BACH2: variants seen among roughly 807,000 people sequenced by gnomAD.
BACH2 encodes BACH transcriptional regulator 2.
In BACH2, 5 loss-of-function variants were observed where a neutral mutation model predicts 61.8. That is an observed-to-expected ratio of 0.08 (90% CI 0.04 to 0.17). The LOEUF is 0.17. Ranked by LOEUF, BACH2 falls within the 10% of genes least tolerant of loss-of-function variation. The pLI is 1.00. For synonymous variants in BACH2, 446 were observed against 440.1 expected (o/e 1.01, Z -0.17); for missense variants, 824 against 1,091.1 (o/e 0.76, Z 3.45).
chr6:90,150,774 C>T (rs1478397030), intron 4 of BACH2, among the ~76,000 whole-genome samples: 1 of 152,168 alleles, frequency 6.6e-6, no homozygotes, highest in Admixed American at 6.5e-5. Flanking sequence ...CTTAGCACCC[C>T]CACCATGCAT....
At chr6:90,104,760 C>A (rs1782825096) in intron 4 of BACH2, among the ~76,000 whole-genome samples, 1 of 152,160 alleles carries the variant, frequency 6.6e-6, no homozygotes, top group African/African-American at 2.4e-5. Flanking sequence ...ATGCATGTAT[C>A]TTGGACATGT....
At position 89,950,413 on chromosome 6, in the gene BACH2, C is replaced by T; in HGVS notation, c.1693G>A (p.Gly565Ser). 6.2e-7 allele frequency: 1 copy of T among 1,614,166 alleles called. No individual in the cohort carries two copies. Among genetic ancestry groups the T allele is most frequent in the African/African-American group, 1.3e-5 (1 of 75,030 alleles). ...RFLATEHQEP[G>S]LMGDGMYNQV... ...TTGTACATTCCATCTCCCATCAGGC[C>T]TGGTTCCTGATGTTCTGTGGCAAGG... is the stretch of plus-strand genomic sequence containing the variant. Residue 565 changes from glycine (G) to serine (S), a missense_variant, in exon 7 of 9, where the codon GGC becomes AGC. Transcript: ENST00000257749. This position sits in a 1 kb window ranked among gnomAD's most constrained non-coding sequence, Gnocchi z 5.3.
At chr6:90,060,270 C>T (rs968540108) in intron 5 of BACH2, among the ~76,000 whole-genome samples, 4 of 152,068 alleles carry the variant, frequency 2.6e-5, no homozygotes, top group South Asian at 2.1e-4. Flanking sequence ...TTGCCTTTCA[C>T]GCTCTAAATA....
At chr6:90,028,613 T>G (rs946734484) in intron 5 of BACH2, among the ~76,000 whole-genome samples, 1 of 152,184 alleles carries the variant, frequency 6.6e-6, no homozygotes, top group African/African-American at 2.4e-5. Context: ...TCTGTAAAGA[T>G]TTCTCATCTG....
intron 4 of BACH2, among the ~76,000 whole-genome samples, chr6:90,195,554 G>A (rs1266620759): frequency 3.3e-5 from 5 of 152,178 alleles, no homozygotes; most frequent in Non-Finnish European, 5.9e-5. Flanking sequence ...GACAGAATTC[G>A]TGATTCAGCG....
At chr6:90,051,555 T>C (rs1384718417) in intron 5 of BACH2, among the ~76,000 whole-genome samples, 8 of 152,148 alleles carry the variant, frequency 5.3e-5, no homozygotes, top group Non-Finnish European at 1.2e-4. Flanking sequence ...CTATATGCCT[T>C]TTTACAAAAA....
chr6:90,267,421 G>A (rs1771373261), intron 2 of BACH2, among the ~76,000 whole-genome samples: 1 of 152,124 alleles, frequency 6.6e-6, no homozygotes. Context: ...CCTAACACCT[G>A]GCAGGGGTGA....
Position 89,952,321 on chromosome 6 carries a change from C to T in BACH2, c.244-459G>A, listed in dbSNP as rs77615022. ...GTCAACCACAAAAATGGCAATGTGA[C>T]CCTGCAAAAAACTAACTCCAGGGAG... is the stretch of plus-strand genomic sequence containing the variant. On this transcript the variant is annotated intron_variant, in intron 6 of 8. Transcript: ENST00000257749. Among the ~76,000 whole-genome samples the T allele has an allele frequency of 6.4e-3, 978 of 152,190 alleles. 30 individuals are homozygous for T. In the East Asian group the frequency reaches 0.11, roughly 17 times the overall value.
intron 4 of BACH2, among the ~76,000 whole-genome samples, chr6:90,190,885 G>A (rs1165718687): frequency 6.6e-6 from 1 of 152,220 alleles, no homozygotes; most frequent in African/African-American, 2.4e-5. Context: ...CCAAACAGGG[G>A]ATGTGGCTTG....
intron 4 of BACH2, among the ~76,000 whole-genome samples, chr6:90,093,697 C>T (rs1272106046): frequency 6.6e-6 from 1 of 152,146 alleles, no homozygotes; most frequent in Non-Finnish European, 1.5e-5. Flanking sequence ...CCAATATAGT[C>T]CTTCAATAGG....
intron 3 of BACH2, among the ~76,000 whole-genome samples, chr6:90,224,229 G>A (rs1398562949): frequency 1.3e-5 from 2 of 152,140 alleles, no homozygotes; most frequent in Non-Finnish European, 2.9e-5. Context: ...AACTATTTAA[G>A]GTAAAAGAGT....
At chr6:90,058,520 A>G (rs1344181097) in intron 5 of BACH2, among the ~76,000 whole-genome samples, 1 of 152,212 alleles carries the variant, frequency 6.6e-6, no homozygotes, top group Non-Finnish European at 1.5e-5. Flanking sequence ...GGTAGGAAGA[A>G]TCAATATTGT....
chr6:90,012,909 C>A (rs1339843491), intron 5 of BACH2, among the ~76,000 whole-genome samples: 2 of 152,116 alleles, frequency 1.3e-5, no homozygotes, highest in Non-Finnish European at 2.9e-5. Flanking sequence ...TCTCCTCGGC[C>A]TCCCAAAGTG....
At chr6:90,022,050 C>T (rs1778402683) in intron 5 of BACH2, among the ~76,000 whole-genome samples, 1 of 152,144 alleles carries the variant, frequency 6.6e-6, no homozygotes, top group Non-Finnish European at 1.5e-5. Context: ...TTTTCCTTGA[C>T]CTTCTAGGGG....
chr6:90,146,905 A>C (rs886503345), intron 4 of BACH2, among the ~76,000 whole-genome samples: 1 of 152,234 alleles, frequency 6.6e-6, no homozygotes, highest in African/African-American at 2.4e-5. Context: ...AGAGCCAATG[A>C]CAGTGAAGAA....
chr6:90,253,819 TA>T (rs562616230), intron 2 of BACH2, among the ~76,000 whole-genome samples: 152 of 152,322 alleles, frequency 1.0e-3, no homozygotes, highest in African/African-American at 3.5e-3. Context: ...ACAGAGGCCT[TA>T]GTCATAATAA....
chr6:90,011,946 G>A (rs1372233439), intron 5 of BACH2, among the ~76,000 whole-genome samples: 3 of 145,114 alleles, frequency 2.1e-5, no homozygotes, highest in Admixed American at 6.8e-5. Context: ...GTGTGTGTGT[G>A]TGTGTGTGTG....
chr6:90,256,298 C>T (rs1485555775), intron 2 of BACH2, among the ~76,000 whole-genome samples: 2 of 152,164 alleles, frequency 1.3e-5, no homozygotes, highest in African/African-American at 2.4e-5. Flanking sequence ...AGTTCTACCA[C>T]GAAATATAAG....
intron 5 of BACH2, among the ~76,000 whole-genome samples, chr6:90,079,910 C>T (rs929505172): frequency 2.0e-5 from 3 of 151,494 alleles, no homozygotes; most frequent in African/African-American, 7.3e-5. Context: ...AGTGTTTGTA[C>T]TTTCATTTTT....
Sources: allele counts gnomAD v4.1 joint callset (sites outside exome capture counted in the v4.1 genomes callset), GRCh38; gene constraint gnomAD v4.1.1; non-coding constraint Gnocchi (gnomAD v3.1); transcripts MANE v1.5; gene names NCBI Gene and HGNC (gene_info 2026-07-23, HGNC 2026-07-21).